The following BET1 variants were observed in gnomAD, a reference collection of about 807,000 sequenced individuals.
BET1 encodes BET1 homolog.
Under a neutral mutation model 13.9 loss-of-function variants are expected in BET1, and 9 were observed. That is an observed-to-expected ratio of 0.65 (90% confidence interval 0.39 to 1.13). The LOEUF (loss-of-function observed/expected upper bound fraction) is 1.13. BET1 is among the 50% of genes most tolerant of loss of function. The pLI is 0.01. For missense variants in BET1, 127 were observed against 133.6 expected, an observed-to-expected ratio of 0.95 and a Z score of 0.24; for synonymous variants, 39 against 47.3, an observed-to-expected ratio of 0.82 and a Z score of 0.72.
At chr7:93,999,101 ATATAGTT>A in intron 2 of BET1, 62 bp downstream of exon 2, 1 of 1,226,942 alleles carries the variant, frequency 8.2e-7, no homozygotes, top group Non-Finnish European at 1.1e-6. Flanking sequence ...CAATAAGAAT[ATATAGTT>A]TATAATTATA....
downstream of BET1, chr7:93,993,006 C>T (rs551271503): frequency 1.0e-6 from 1 of 984,730 alleles, no homozygotes; most frequent in Non-Finnish European, 1.2e-6. Flanking sequence ...CCCAAACTGA[C>T]AGGTTATTAG....
chr7:93,991,976 C>T, downstream of BET1: 26 of 985,196 alleles, frequency 2.6e-5, no homozygotes, highest in Non-Finnish European at 3.0e-5. Context: ...TTCATGGGGA[C>T]AGGTGCTAGG....
intron 4 of BET1, among the ~76,000 whole-genome samples, chr7:93,980,748 C>A (rs140937346): frequency 1.2e-3 from 184 of 152,240 alleles, no homozygotes; most frequent in African/African-American, 4.3e-3. Context: ...CAACATAGTA[C>A]TGGAAGTCCT....
intron 6 of BET1, among the ~76,000 whole-genome samples, chr7:93,971,564 A>G (rs1584124158): frequency 6.6e-6 from 1 of 151,894 alleles, no homozygotes. Flanking sequence ...TTCCTTTCAC[A>G]GTACCTTGTG....
In BET1 at chr7:94,004,181, C is replaced by G. The variant is rs768359701; in HGVS notation, c.19+17G>C. The G allele has an allele frequency of 3.7e-6, 6 of 1,614,026 alleles. No homozygotes were observed. The South Asian group carries it at 5.5e-5, about 15-fold the overall frequency. On this transcript the variant is annotated intron_variant, in intron 1 of 3. Coordinates refer to ENST00000222547, the MANE Select transcript of BET1 (RefSeq NM_005868.6). ...GGTTCTAGGGCCCCGAACTTCGAAC[C>G]TCAGCCCTCTTCTTACCCAGGCCTG...
intron 2 of BET1, among the ~76,000 whole-genome samples, chr7:93,997,183 T>G (rs1795790016): frequency 6.6e-6 from 1 of 152,148 alleles, no homozygotes. Context: ...ATAAATAGAA[T>G]CATCTACTGA....
chr7:93,992,355 C>G, downstream of BET1: 1 of 985,328 alleles, frequency 1.0e-6, no homozygotes, highest in Non-Finnish European at 1.2e-6. Context: ...CTAAACAATC[C>G]TGAAATCCAT....
At chr7:93,987,248 G>A (rs1795545058) in intron 4 of BET1, 2 of 152,164 alleles carry the variant, frequency 1.3e-5, no homozygotes, top group South Asian at 2.1e-4. Context: ...GCCACTTGCC[G>A]CTTGAGAAGC....
intron 3 of BET1, among the ~76,000 whole-genome samples, chr7:93,995,838 C>T (rs981355485): frequency 4.6e-5 from 7 of 152,200 alleles, no homozygotes; most frequent in Non-Finnish European, 8.8e-5. Flanking sequence ...TGTATGAGCA[C>T]TTTTTTCATA....
rs182762409 is a variant in BET1 at position 93,971,787 on chromosome 7, G to A, written c.*137+788C>T. On this transcript the variant is annotated intron_variant and NMD_transcript_variant, in intron 6 of 6. Transcript: ENST00000357520. ...ACATATGAAATTGTATTAATGATAT[G>A]GATTCATTACTAATGAGATTTAACT... 3.1e-3 allele frequency among the ~76,000 whole-genome samples: 471 copies of A among 151,496 alleles called. 1 individual carries two copies. The highest frequency in any genetic ancestry group is 7.3e-3 in the Admixed American group (110 of 15,144).
rs190116372 is a variant in BET1 at position 93,971,580 on chromosome 7, T to C, written c.*137+995A>G. On this transcript the variant is annotated intron_variant and NMD_transcript_variant, in intron 6 of 6. Coordinates refer to the BET1 transcript ENST00000357520. ...TCCTTTCACAGTACCTTGTGAGCAGTCCTCTTAGGTGTCAGTAGTAGGCCT... is the reference window on the plus strand; with the variant it reads ...TCCTTTCACAGTACCTTGTGAGCAGCCCTCTTAGGTGTCAGTAGTAGGCCT... Among the ~76,000 whole-genome samples, 31 of 151,874 alleles carry C rather than the reference T, an allele frequency of 2.0e-4. No individual in the cohort carries two copies. The East Asian group carries it at 4.3e-3, about 21-fold the overall frequency.
chr7:93,994,996 A>C (rs1795731505), intron 3 of BET1, among the ~76,000 whole-genome samples: 1 of 152,166 alleles, frequency 6.6e-6, no homozygotes, highest in Non-Finnish European at 1.5e-5. Flanking sequence ...GGCGCACGCC[A>C]CCACGCCCAG....
At position 93,999,153 on chromosome 7, in the gene BET1, ATT is replaced by A; in HGVS notation, c.144+15_144+16del. 1 of 1,561,604 alleles carries A rather than the reference ATT, an allele frequency of 6.4e-7. No homozygotes were observed. The highest frequency in any genetic ancestry group is 1.2e-5 in the South Asian group (1 of 85,824). On this transcript the variant is annotated intron_variant, in intron 2 of 3. Coordinates refer to ENST00000222547, the MANE Select transcript of BET1 (RefSeq NM_005868.6). Reference sequence around the variant, plus strand: ...ATATATGAATTAAAACACATATAATATTTGTTATATACTTACAGATTTTATAG... The same window carrying A: ...ATATATGAATTAAAACACATATAATATGTTATATACTTACAGATTTTATAG...
chr7:93,982,684 C>T (rs1795448486), intron 4 of BET1, among the ~76,000 whole-genome samples: 1 of 152,068 alleles, frequency 6.6e-6, no homozygotes, highest in African/African-American at 2.4e-5. Flanking sequence ...GTGGCTTCAT[C>T]TTAACTAGAT....
At chr7:93,996,393 C>A in intron 2 of BET1, 72 bp from the exon 3 acceptor site, 1 of 1,072,166 alleles carries the variant, frequency 9.3e-7, no homozygotes, top group South Asian at 1.6e-5. Flanking sequence ...AAAATAATGT[C>A]ATTCTAAGCA....
downstream of BET1, chr7:93,992,703 G>T (rs1253718244): frequency 1.0e-6 from 1 of 980,258 alleles, no homozygotes; most frequent in Non-Finnish European, 1.2e-6. Context: ...GTTAATGGTA[G>T]TGAGAACCAA....
rs757222345 is a variant in BET1, at chr7:93,973,566, G to GA, written c.*49-904dup. Among the ~76,000 whole-genome samples the GA allele has an allele frequency of 1.2e-3, 174 of 150,864 alleles. 1 individual carries two copies. The highest frequency in any genetic ancestry group is 3.4e-3 in the Middle Eastern group (1 of 294). On this transcript the variant is annotated intron_variant and NMD_transcript_variant, in intron 5 of 6. Transcript: ENST00000357520. ...CTTGAACTGCTGTATAAAGAACTCAGAAAAAAAAATGTGTATGCATACAAA... is the reference window on the plus strand; with the variant it reads ...CTTGAACTGCTGTATAAAGAACTCAGAAAAAAAAAATGTGTATGCATACAAA...
At chr7:93,992,913 C>G (rs1795666013), downstream of BET1, 2 of 985,398 alleles carry the variant, frequency 2.0e-6, no homozygotes, top group Non-Finnish European at 2.4e-6. Context: ...CTGTTTAAGT[C>G]CCTTAACCAC....
At chr7:93,992,486 C>CT, downstream of BET1, 1 of 985,236 alleles carries the variant, frequency 1.0e-6, no homozygotes, top group Non-Finnish European at 1.2e-6. Flanking sequence ...TTTTTCACAA[C>CT]TTTAATTATT....
Sources: gnomAD v4.1 joint callset for allele counts (sites outside exome capture counted in the v4.1 genomes callset) on GRCh38, gnomAD v4.1.1 for gene constraint, MANE v1.5 for transcripts, NCBI Gene and HGNC (gene_info 2026-07-23, HGNC 2026-07-21) for gene names.